The following AKT3 variants were observed in gnomAD, a reference collection of about 807,000 sequenced individuals.
AKT3 encodes AKT serine/threonine kinase 3, also known as RAC-gamma serine/threonine-protein kinase.
AKT3 carries 15 observed loss-of-function variants against 65.3 expected under a neutral mutation model. That is an observed-to-expected ratio of 0.23 (90% confidence interval 0.15 to 0.35). The LOEUF (loss-of-function observed/expected upper bound fraction) is 0.35. Among genes scored for constraint, AKT3 ranks in the 10% least tolerant of loss-of-function variants. The pLI, the probability that AKT3 is intolerant of heterozygous loss-of-function variation, is 1.00. For missense variants in AKT3, 243 were observed against 576.5 expected, an observed-to-expected ratio of 0.42 and a Z score of 5.92; for synonymous variants, 206 against 183.8, an observed-to-expected ratio of 1.12 and a Z score of -0.98.
At chr1:243,617,829 A>G (rs1678444815) in intron 6 of AKT3, among the ~76,000 whole-genome samples, 1 of 152,128 alleles carries the variant, frequency 6.6e-6, no homozygotes, top group Non-Finnish European at 1.5e-5. Flanking sequence ...GGAAAAAGAA[A>G]AAGGGGATAG....
chr1:243,752,798 T>C (rs1688890313), intron 2 of AKT3, among the ~76,000 whole-genome samples: 1 of 152,194 alleles, frequency 6.6e-6, no homozygotes, highest in Admixed American at 6.5e-5. Flanking sequence ...TTAACAGTAC[T>C]AGTTAGTTTA....
chr1:243,725,550 G>C (rs1429344543), intron 2 of AKT3, among the ~76,000 whole-genome samples: 5 of 152,166 alleles, frequency 3.3e-5, no homozygotes, highest in Admixed American at 3.3e-4. Context: ...TACTCCAGCA[G>C]TAACACTGCT....
At chr1:243,513,364 C>T (rs1441787924) in intron 12 of AKT3, among the ~76,000 whole-genome samples, 1 of 152,134 alleles carries the variant, frequency 6.6e-6, no homozygotes, top group Non-Finnish European at 1.5e-5. Flanking sequence ...ACAGGGGATG[C>T]TGCTTTAGAA....
At chr1:243,746,373 T>C (rs1045340923) in intron 2 of AKT3, among the ~76,000 whole-genome samples, 2 of 152,192 alleles carry the variant, frequency 1.3e-5, no homozygotes, top group Admixed American at 6.5e-5. Context: ...ACATGCTTTA[T>C]CTTGAGTGAT....
At chr1:243,686,050 G>C (rs1250130424) in intron 3 of AKT3, among the ~76,000 whole-genome samples, 1 of 152,136 alleles carries the variant, frequency 6.6e-6, no homozygotes, top group Non-Finnish European at 1.5e-5. Context: ...ACTTACAAGG[G>C]ATGTGAAGGA....
At chr1:243,711,939 A>C (rs1271864717) in intron 2 of AKT3, among the ~76,000 whole-genome samples, 1 of 152,248 alleles carries the variant, frequency 6.6e-6, no homozygotes, top group Non-Finnish European at 1.5e-5. Flanking sequence ...CAGAAGTAAC[A>C]TATCATTAAT....
At chr1:243,645,226 G>C (rs1282094099) in intron 5 of AKT3, among the ~76,000 whole-genome samples, 2 of 152,108 alleles carry the variant, frequency 1.3e-5, no homozygotes, top group Non-Finnish European at 2.9e-5. Context: ...ATATTCTAAA[G>C]TGATAAATGG....
chr1:243,798,740 C>A (rs1692203501), intron 2 of AKT3, among the ~76,000 whole-genome samples: 1 of 152,162 alleles, frequency 6.6e-6, no homozygotes. Flanking sequence ...TTCCTCTCCA[C>A]AACATCCAGC....
intron 4 of AKT3, among the ~76,000 whole-genome samples, chr1:243,647,757 T>C (rs935843177): frequency 6.6e-6 from 1 of 152,232 alleles, no homozygotes; most frequent in Non-Finnish European, 1.5e-5. Context: ...TCTTGCTTTA[T>C]TGCCCTAGAT....
rs116238020 is a variant in AKT3, at chr1:243,707,511, T to G, written c.47-11795A>C. ...TATAGGGCAAAAAAATCAAAAGCCT[T>G]CCACTGAATTTACTACTAAACATTG... On this transcript the variant is annotated intron_variant, in intron 2 of 13. Coordinates refer to ENST00000673466, the MANE Select transcript of AKT3 (RefSeq NM_005465.7). 5.6e-3 allele frequency among the ~76,000 whole-genome samples: 857 copies of G among 152,204 alleles called. 11 individuals carry two copies. Among genetic ancestry groups the G allele is most frequent in the African/African-American group, 0.02 (815 of 41,540 alleles).
intron 3 of AKT3, among the ~76,000 whole-genome samples, chr1:243,683,932 A>C (rs1264631516): frequency 6.6e-6 from 1 of 152,110 alleles, no homozygotes; most frequent in Non-Finnish European, 1.5e-5. Context: ...CTTTAAGAAA[A>C]AACAACTTCT....
At chr1:243,668,632 A>G (rs1446108711) in intron 3 of AKT3, among the ~76,000 whole-genome samples, 1 of 152,210 alleles carries the variant, frequency 6.6e-6, no homozygotes, top group African/African-American at 2.4e-5. Flanking sequence ...ATTTAAACTA[A>G]TAACAGAGAT....
chr1:243,498,569 A>G (rs565607082), downstream of AKT3, among the ~76,000 whole-genome samples: 11 of 152,346 alleles, frequency 7.2e-5, no homozygotes, highest in East Asian at 2.1e-3. Context: ...TGTTCAAGAA[A>G]AAGTTGTCCT....
At position 243,726,864 on chromosome 1, in the gene AKT3, T is replaced by C. The variant is rs183344351; in HGVS notation, c.47-31148A>G. 4.5e-4 allele frequency among the ~76,000 whole-genome samples: 69 copies of C among 152,364 alleles called. 1 individual carries two copies. In the East Asian group the frequency reaches 0.013, roughly 28 times the overall value. ...AAAGAAACTTGTTTTCCCAAACATC[T>C]GGCATCCTTCAACAAACTCTGGCAA... is the stretch of plus-strand genomic sequence containing the variant. On this transcript the variant is annotated intron_variant, in intron 2 of 13. Transcript: ENST00000673466.
At chr1:243,826,455 T>C (rs1446290360) in intron 2 of AKT3, among the ~76,000 whole-genome samples, 1 of 152,132 alleles carries the variant, frequency 6.6e-6, no homozygotes, top group Non-Finnish European at 1.5e-5. Context: ...CAGCTAGGAG[T>C]GGCACATAAC....
intron 3 of AKT3, among the ~76,000 whole-genome samples, chr1:243,690,798 AACT>A (rs1179688202): frequency 6.6e-6 from 1 of 152,162 alleles, no homozygotes; most frequent in African/African-American, 2.4e-5. Context: ...CTTGATACTT[AACT>A]ACTACTACCT....
At chr1:243,491,356 C>T (rs1666369458) in intron 13 of AKT3, among the ~76,000 whole-genome samples, 1 of 152,352 alleles carries the variant, frequency 6.6e-6, no homozygotes, top group Admixed American at 6.5e-5. Flanking sequence ...CAATGATTTG[C>T]CCATTCCTGT....
chr1:243,611,176 T>A (rs1180593250), intron 8 of AKT3, among the ~76,000 whole-genome samples: 3 of 152,190 alleles, frequency 2.0e-5, no homozygotes, highest in Non-Finnish European at 4.4e-5. Flanking sequence ...CAAAACTGCA[T>A]CCACAGTTTT....
At position 243,645,735 on chromosome 1, in the gene AKT3, A is replaced by T. The variant is rs182903815; in HGVS notation, c.429+158T>A. Among the ~76,000 whole-genome samples, 339 of 152,336 alleles carry T rather than the reference A, an allele frequency of 2.2e-3. 1 individual carries two copies. The highest frequency in any genetic ancestry group is 3.7e-3 in the Non-Finnish European group (249 of 68,022). On this transcript the variant is annotated intron_variant, in intron 5 of 13. Transcript: ENST00000673466. The stretch of plus-strand genomic sequence containing the variant: ...AAACAATGTTCACCTATTTGGTTTT[A>T]AACAACAACAGGTATTTCAGATTCA...
Sources: gnomAD v4.1 joint callset for allele counts (sites outside exome capture counted in the v4.1 genomes callset) on GRCh38, gnomAD v4.1.1 for gene constraint, MANE v1.5 for transcripts, NCBI Gene and HGNC (gene_info 2026-07-23, HGNC 2026-07-21) for gene names.